Variants in SAMD3 observed in about 807,000 individuals in gnomAD.
SAMD3 encodes sterile alpha motif domain containing 3.
In SAMD3, 63 loss-of-function variants were observed where a neutral mutation model predicts 58.5. The ratio of observed to expected loss-of-function variants is 1.08; its 90% CI spans 0.88 to 1.33. The LOEUF (loss-of-function observed/expected upper bound fraction) is 1.33. SAMD3 is among the 40% of genes most tolerant of loss of function. SAMD3 has a pLI of 0.00. For missense variants in SAMD3, 604 were observed against 608.4 expected (o/e 0.99, Z 0.08); for synonymous variants, 220 against 210.3 (o/e 1.05, Z -0.40).
chr6:130,365,358 C>A, exon 1 of SAMD3: 1 of 985,646 alleles, frequency 1.0e-6, no homozygotes, highest in African/African-American at 1.7e-5. Flanking sequence ...CCCCCCCAAG[C>A]CGTTCTCCGG....
At chr6:130,287,129 T>C (rs1212707849) in intron 2 of SAMD3, among the ~76,000 whole-genome samples, 1 of 152,206 alleles carries the variant, frequency 6.6e-6, no homozygotes, top group Non-Finnish European at 1.5e-5. Flanking sequence ...TTCTGTCTTC[T>C]AAATGAGCAT....
At chr6:130,344,308 T>A (rs1777373849) in intron 1 of SAMD3, among the ~76,000 whole-genome samples, 1 of 152,208 alleles carries the variant, frequency 6.6e-6, no homozygotes, top group Non-Finnish European at 1.5e-5. Flanking sequence ...GGAATCTATT[T>A]TTTAATCCAC....
intron 5 of SAMD3, among the ~76,000 whole-genome samples, chr6:130,201,088 T>C (rs1388232446): frequency 1.3e-5 from 2 of 152,184 alleles, no homozygotes; most frequent in African/African-American, 2.4e-5. Context: ...TTAAATATCC[T>C]TTTGATGCCT....
intron 1 of SAMD3, among the ~76,000 whole-genome samples, chr6:130,323,633 T>A (rs1053073818): frequency 6.6e-6 from 1 of 151,700 alleles, no homozygotes; most frequent in Admixed American, 6.6e-5. Flanking sequence ...TGAAACACCA[T>A]CTCTACTTAA....
exon 1 of SAMD3, chr6:130,365,277 C>A (rs146883153): frequency 2.0e-6 from 2 of 985,360 alleles, no homozygotes; most frequent in Non-Finnish European, 2.4e-6. Context: ...AGTCGAACAT[C>A]CGCACTGCTC....
chr6:130,213,394 C>T (rs1301604451), intron 4 of SAMD3, among the ~76,000 whole-genome samples: 1 of 151,978 alleles, frequency 6.6e-6, no homozygotes, highest in African/African-American at 2.4e-5. Flanking sequence ...CTATTCCCCT[C>T]CATGTCCCAA....
chr6:130,267,719 A>T (rs1774410473), intron 2 of SAMD3, among the ~76,000 whole-genome samples: 1 of 152,192 alleles, frequency 6.6e-6, no homozygotes, highest in Non-Finnish European at 1.5e-5. Flanking sequence ...TACAGATTCC[A>T]GACATTGTAT....
At chr6:130,268,608 C>A (rs983373651) in intron 2 of SAMD3, among the ~76,000 whole-genome samples, 2 of 152,052 alleles carry the variant, frequency 1.3e-5, no homozygotes, top group African/African-American at 4.8e-5. Flanking sequence ...CATATTTTTA[C>A]CATACTTTTT....
At chr6:130,151,419 A>G (rs773561372) in intron 9 of SAMD3, among the ~76,000 whole-genome samples, 1 of 151,884 alleles carries the variant, frequency 6.6e-6, no homozygotes. Context: ...AACCAAACTC[A>G]AATTCTTTAT....
At chr6:130,150,658 G>A (rs1033429223) in intron 9 of SAMD3, among the ~76,000 whole-genome samples, 1 of 151,364 alleles carries the variant, frequency 6.6e-6, no homozygotes, top group African/African-American at 2.4e-5. Flanking sequence ...GTTTTCTGGA[G>A]TCTCAGATGA....
intron 8 of SAMD3, among the ~76,000 whole-genome samples, chr6:130,163,578 C>A (rs1386663744): frequency 6.6e-6 from 1 of 152,156 alleles, no homozygotes; most frequent in African/African-American, 2.4e-5. Flanking sequence ...AGTAAATATG[C>A]CACCTGCTAA....
chr6:130,195,622 A>C (rs979028661), intron 5 of SAMD3, among the ~76,000 whole-genome samples: 5 of 152,030 alleles, frequency 3.3e-5, no homozygotes, highest in African/African-American at 4.8e-5. Context: ...TGCACCCTTC[A>C]TCCCAGCCTC....
chr6:130,225,187 G>C (rs1170529403), upstream of SAMD3, among the ~76,000 whole-genome samples: 1 of 152,164 alleles, frequency 6.6e-6, no homozygotes, highest in African/African-American at 2.4e-5. Context: ...GTTCAGTTTA[G>C]GTCCTGCTAT....
At chr6:130,340,859 T>C (rs980711069) in intron 1 of SAMD3, among the ~76,000 whole-genome samples, 1 of 152,210 alleles carries the variant, frequency 6.6e-6, no homozygotes, top group Non-Finnish European at 1.5e-5. Context: ...AATTTGAAGG[T>C]TTTGTGCTTC....
intron 2 of SAMD3, among the ~76,000 whole-genome samples, chr6:130,232,488 A>C (rs1271589334): frequency 1.3e-5 from 2 of 152,152 alleles, no homozygotes; most frequent in Non-Finnish European, 2.9e-5. Context: ...TTCTTGAAAA[A>C]CCAAAATTAA....
intron 5 of SAMD3, among the ~76,000 whole-genome samples, chr6:130,203,068 T>C (rs1582909367): frequency 6.6e-6 from 1 of 152,220 alleles, no homozygotes; most frequent in East Asian, 1.9e-4. Flanking sequence ...GCCTGAAGCA[T>C]ATGCTCCTCT....
At chr6:130,349,152 C>A (rs1163100093) in intron 1 of SAMD3, among the ~76,000 whole-genome samples, 2 of 152,150 alleles carry the variant, frequency 1.3e-5, no homozygotes, top group African/African-American at 4.8e-5. Flanking sequence ...GACACCCTAA[C>A]ATCACAATTA....
At chr6:130,264,125 C>T (rs550901441) in intron 2 of SAMD3, among the ~76,000 whole-genome samples, 1 of 152,296 alleles carries the variant, frequency 6.6e-6, no homozygotes, top group African/African-American at 2.4e-5. Flanking sequence ...AGGCCAGAGG[C>T]CCAGATTGTC....
intron 5 of SAMD3, among the ~76,000 whole-genome samples, chr6:130,192,894 C>T (rs1325316800): frequency 6.6e-6 from 1 of 152,162 alleles, no homozygotes; most frequent in African/African-American, 2.4e-5. Flanking sequence ...CTCCAACCTC[C>T]CTCACTATCC....
Sources: gnomAD v4.1 joint callset for allele counts (sites outside exome capture counted in the v4.1 genomes callset) on GRCh38, gnomAD v4.1.1 for gene constraint, MANE v1.5 for transcripts, NCBI Gene and HGNC (gene_info 2026-07-23, HGNC 2026-07-21) for gene names.